TFDP1: variants seen among roughly 807,000 people sequenced by gnomAD.
TFDP1 encodes transcription factor Dp-1.
In TFDP1, 6 loss-of-function variants were observed where a neutral mutation model predicts 48.0. The ratio of observed to expected loss-of-function variants is 0.13; its 90% CI spans 0.07 to 0.25. The LOEUF is 0.25. Ranked by LOEUF, TFDP1 falls within the 10% of genes least tolerant of loss-of-function variation. The pLI is 1.00. For synonymous variants in TFDP1, 201 were observed against 211.6 expected (o/e 0.95, Z 0.44); for missense variants, 335 against 543.0 (o/e 0.62, Z 3.81).
rs112263474 is a variant in TFDP1 at position 113,617,610 on chromosome 13, C to G, written c.80-5570C>G. Among the ~76,000 whole-genome samples, 6 of 127,828 alleles carry G rather than the reference C, an allele frequency of 4.7e-5. No homozygotes were observed. In the South Asian group the frequency reaches 7.4e-4, roughly 16 times the overall value. 83.9% of individuals were successfully genotyped at this position (127,828 alleles called of 152,430 possible). On this transcript the variant is annotated intron_variant, in intron 3 of 11. Transcript: ENST00000375370. The stretch of plus-strand genomic sequence containing the variant: ...TGCAGAGCCCTTCACCTGCAGAACC[C>G]TTCACCTGCAGAGCCGCTCACCTGC...
chr13:113,623,043 C>T lies in TFDP1; in HGVS notation c.80-137C>T. ...GCTTCATGGAGGTGTTGCTCTTGAG[C>T]CCTGGATTTGAGACAGTACACGTGG... On this transcript the variant is annotated intron_variant, in intron 3 of 11. Transcript: ENST00000375370. This position sits in a 1 kb window ranked among gnomAD's most constrained non-coding sequence, Gnocchi z 5.2. 1.3e-6 allele frequency: 1 copy of T among 746,834 alleles called. No homozygotes were observed. Among genetic ancestry groups the T allele is most frequent in the Non-Finnish European group, 2.2e-6 (1 of 454,418 alleles). 46.3% of individuals were successfully genotyped at this position (746,834 alleles called of 1,614,324 possible).
At chr13:113,625,788 GGCGTCTCTCACGTGTCCTC>G (rs2049149904) in intron 4 of TFDP1, among the ~76,000 whole-genome samples, 2 of 33,232 alleles carry the variant, frequency 6.0e-5, no homozygotes, top group Non-Finnish European at 1.2e-4. Context: ...CGTGTCCTCA[GGCGTCTCTCACGTGTCCTC>G]AGGTGTCTCA....
intron 3 of TFDP1, among the ~76,000 whole-genome samples, chr13:113,613,556 CTGAG>C (rs1217963330): frequency 4.0e-5 from 6 of 150,466 alleles, no homozygotes; most frequent in South Asian, 2.1e-4. Flanking sequence ...GTGTGTGTCA[CTGAG>C]TGTGCATACG....
intron 2 of TFDP1, among the ~76,000 whole-genome samples, chr13:113,597,028 G>A (rs1016382693): frequency 3.9e-5 from 6 of 152,250 alleles, no homozygotes; most frequent in East Asian, 1.9e-4. Flanking sequence ...CCTGCCCGGC[G>A]CCATTGTCAG....
At position 113,640,297 on chromosome 13, in the gene TFDP1, G is replaced by GA; in HGVS notation, c.*34dup. On this transcript the variant is annotated 3_prime_UTR_variant, in exon 12 of 12. Transcript: ENST00000375370. ...CTCCCCACTTCAGATTCGGCTTCAG[G>GA]AAAACGTTTAGCGAAAAGAAACTTT... 6.3e-7 allele frequency: 1 copy of GA among 1,597,282 alleles called. No homozygotes were observed. The highest frequency in any genetic ancestry group is 8.5e-7 in the Non-Finnish European group (1 of 1,173,158).
At chr13:113,625,496 GT>G (rs1287894086) in intron 4 of TFDP1, among the ~76,000 whole-genome samples, 6 of 91,234 alleles carry the variant, frequency 6.6e-5, no homozygotes, top group Admixed American at 1.1e-4. Flanking sequence ...TCTCTCACGT[GT>G]TCTCAGGTGT....
intron 2 of TFDP1, among the ~76,000 whole-genome samples, chr13:113,601,284 C>T (rs1455504103): frequency 7.0e-6 from 1 of 142,298 alleles, no homozygotes; most frequent in Non-Finnish European, 1.5e-5. Context: ...CCGGGCGGCC[C>T]TGGCCTGTGG....
intron 2 of TFDP1, among the ~76,000 whole-genome samples, chr13:113,599,892 C>A (rs1464741399): frequency 2.1e-5 from 3 of 144,524 alleles, no homozygotes; most frequent in African/African-American, 7.8e-5. Flanking sequence ...TCAGGACTGC[C>A]AGAGAGAATC....
chr13:113,588,001 G>A (rs936313103), intron 2 of TFDP1, among the ~76,000 whole-genome samples: 5 of 151,988 alleles, frequency 3.3e-5, no homozygotes, highest in Admixed American at 6.5e-5. Flanking sequence ...GATTACAGGC[G>A]CGCCACCACA....
intron 2 of TFDP1, among the ~76,000 whole-genome samples, chr13:113,594,192 C>A (rs1472631492): frequency 6.8e-6 from 1 of 146,718 alleles, no homozygotes; most frequent in Non-Finnish European, 1.5e-5. Context: ...GTGTGCAGGT[C>A]CTCACCCAGC....
intron 7 of TFDP1, 97 bp downstream of exon 7, chr13:113,634,130 TA>T: frequency 1.3e-6 from 2 of 1,543,286 alleles, no homozygotes; most frequent in Non-Finnish European, 1.8e-6. Flanking sequence ...TCCGTGCCCT[TA>T]TGCTCTCTGT....
intron 3 of TFDP1, among the ~76,000 whole-genome samples, chr13:113,614,259 C>CGT (rs374948148): frequency 2.0e-5 from 3 of 149,054 alleles, no homozygotes; most frequent in Non-Finnish European, 4.4e-5. Flanking sequence ...TCTGATTGTG[C>CGT]GTGTGTGTGA....
chr13:113,590,231 G>T (rs1348536576), intron 2 of TFDP1, among the ~76,000 whole-genome samples: 1 of 152,208 alleles, frequency 6.6e-6, no homozygotes, highest in Non-Finnish European at 1.5e-5. Flanking sequence ...GTTCTGTGGT[G>T]CCTGTTTGTG....
At chr13:113,597,774 G>A (rs554793265) in intron 2 of TFDP1, among the ~76,000 whole-genome samples, 2 of 152,236 alleles carry the variant, frequency 1.3e-5, no homozygotes, top group Non-Finnish European at 2.9e-5. Flanking sequence ...TGGAGGGACG[G>A]CCATTGCCGT....
chr13:113,611,951 A>G (rs963599858), intron 3 of TFDP1, among the ~76,000 whole-genome samples: 2 of 152,220 alleles, frequency 1.3e-5, no homozygotes, highest in African/African-American at 4.8e-5. Flanking sequence ...GGAGGAGCCC[A>G]GAGGCCTGGA....
intron 5 of TFDP1, among the ~76,000 whole-genome samples, chr13:113,632,233 C>T (rs757387834): frequency 2.0e-5 from 3 of 152,230 alleles, no homozygotes; most frequent in Non-Finnish European, 4.4e-5. Context: ...AACACACACA[C>T]GCAAAGCTGC....
At chr13:113,634,067 C>A (rs1191556682) in intron 7 of TFDP1, 34 bp downstream of exon 7, 2 of 1,613,834 alleles carry the variant, frequency 1.2e-6, no homozygotes, top group African/African-American at 1.3e-5. Flanking sequence ...CCTTGATTTC[C>A]CTTCAAGTCC....
chr13:113,610,426 T>G (rs572809350), intron 2 of TFDP1, among the ~76,000 whole-genome samples: 3 of 152,046 alleles, frequency 2.0e-5, no homozygotes, highest in African/African-American at 7.2e-5. Context: ...TTTGTGGCTG[T>G]GCCATCACAC....
Position 113,633,082 on chromosome 13 carries a change from GGCTGACAGTC to G in TFDP1, c.309-34_309-25del. On this transcript the variant is annotated intron_variant, in intron 5 of 11. Coordinates refer to ENST00000375370, the MANE Select transcript of TFDP1 (RefSeq NM_007111.5). This position sits in a 1 kb window ranked among gnomAD's most constrained non-coding sequence, Gnocchi z 4.5. ...CTCGATTCAGGCTGATCCTCAGGAG[GGCTGACAGTC>G]GCTTCTCTTTTCCTTTGTATTTTGA... is the stretch of plus-strand genomic sequence containing the variant. 3 of 1,612,690 alleles carry G rather than the reference GGCTGACAGTC, an allele frequency of 1.9e-6. No individual in the cohort carries two copies. The South Asian group carries it at 3.3e-5, about 18-fold the overall frequency.
Sources: gnomAD v4.1 joint callset for allele counts (sites outside exome capture counted in the v4.1 genomes callset) on GRCh38, gnomAD v4.1.1 for gene constraint, Gnocchi (gnomAD v3.1) non-coding constraint, MANE v1.5 for transcripts, NCBI Gene and HGNC (gene_info 2026-07-23, HGNC 2026-07-21) for gene names.